Variants in GARIN2 observed in about 807,000 individuals in gnomAD.
GARIN2 encodes Golgi-associated RAB2 interactor protein 2.
At chr14:67,198,197 C>A in the GARIN2 span, 18 of 1,613,648 alleles carry the variant, frequency 1.1e-5, no homozygotes, top group Non-Finnish European at 1.2e-5. Context: ...CCATGAGGAT[C>A]AATAAGCAAG....
chr14:67,203,320 G>A, the GARIN2 span: 91 of 1,528,316 alleles, frequency 6.0e-5, no homozygotes, highest in Non-Finnish European at 7.9e-5. Context: ...AGAGGTTAAA[G>A]ATCTCTCAGA....
the GARIN2 span, chr14:67,199,496 T>C: frequency 1.2e-6 from 2 of 1,613,230 alleles, no homozygotes; most frequent in Non-Finnish European, 1.7e-6. Context: ...AGGTTATGCC[T>C]TTATTAATTT....
the GARIN2 span, among the ~76,000 whole-genome samples, chr14:67,213,095 G>GTTTT: frequency 1.9e-4 from 26 of 135,676 alleles, no homozygotes; most frequent in African/African-American, 6.3e-4. Flanking sequence ...ATTCTGTGGT[G>GTTTT]TTTTTTTTTT....
At chr14:67,225,120 C>T in the GARIN2 span, 28 of 1,559,742 alleles carry the variant, frequency 1.8e-5, no homozygotes, top group Non-Finnish European at 2.1e-5. Context: ...CCCTCTAGTT[C>T]TCTCCCCTCA....
chr14:67,225,974 CGT>C, the GARIN2 span, among the ~76,000 whole-genome samples: 3,618 of 116,436 alleles, frequency 0.031, 58 homozygotes, highest in Non-Finnish European at 0.033. Flanking sequence ...CGCGCGCGCG[CGT>C]GCGCATGCGC....
chr14:67,198,440 A>G, the GARIN2 span: 25 of 931,038 alleles, frequency 2.7e-5, no homozygotes, highest in South Asian at 4.0e-4. Flanking sequence ...TGATACTACA[A>G]AAGAGAACAG....
At chr14:67,199,660 G>T in the GARIN2 span, 2 of 1,578,588 alleles carry the variant, frequency 1.3e-6, no homozygotes, top group Non-Finnish European at 1.7e-6. Flanking sequence ...CTCAGAACCC[G>T]CTCTCCCAGC....
chr14:67,208,100 G>A, the GARIN2 span: 16 of 1,501,908 alleles, frequency 1.1e-5, no homozygotes, highest in Non-Finnish European at 1.4e-5. Context: ...GGTGCTCAGT[G>A]ACGATGAATG....
the GARIN2 span, among the ~76,000 whole-genome samples, chr14:67,206,238 T>C: frequency 2.6e-5 from 4 of 151,932 alleles, no homozygotes; most frequent in Non-Finnish European, 5.9e-5. Context: ...GTGGCTCATG[T>C]CTGTAATCCC....
At chr14:67,213,371 G>A in the GARIN2 span, among the ~76,000 whole-genome samples, 3 of 128,184 alleles carry the variant, frequency 2.3e-5, no homozygotes, top group South Asian at 5.2e-4. Flanking sequence ...GTGTCCATGT[G>A]TTCTCATTGT....
chr14:67,201,335 G>C, the GARIN2 span: 1 of 371,390 alleles, frequency 2.7e-6, no homozygotes, highest in African/African-American at 2.1e-5. Context: ...ATTTAAAAGA[G>C]AGCAATTATC....
At chr14:67,224,980 C>A in the GARIN2 span, 1 of 709,036 alleles carries the variant, frequency 1.4e-6, no homozygotes, top group Non-Finnish European at 2.3e-6. Flanking sequence ...AGAACATAAT[C>A]TGAATTTAAT....
the GARIN2 span, among the ~76,000 whole-genome samples, chr14:67,227,233 A>G: frequency 1.3e-5 from 2 of 151,988 alleles, no homozygotes; most frequent in African/African-American, 2.4e-5. Flanking sequence ...CGAGGTCAGG[A>G]GTTCGAGACC....
chr14:67,224,465 T>C, the GARIN2 span, among the ~76,000 whole-genome samples: 1 of 152,034 alleles, frequency 6.6e-6, no homozygotes, highest in East Asian at 1.9e-4. Flanking sequence ...TTTCATTGTG[T>C]TAGCCAGGAT....
At chr14:67,212,615 GTAATATATATTATATA>G in the GARIN2 span, among the ~76,000 whole-genome samples, 1 of 136,036 alleles carries the variant, frequency 7.4e-6, no homozygotes, top group African/African-American at 2.7e-5. Context: ...ATATATATAT[GTAATATATATTATATA>G]TAATATATAT....
chr14:67,203,725 G>C, the GARIN2 span, among the ~76,000 whole-genome samples: 6 of 152,186 alleles, frequency 3.9e-5, no homozygotes, highest in South Asian at 1.0e-3. Context: ...GACGTGTTTT[G>C]TTTTTGAGAT....
the GARIN2 span, chr14:67,199,900 C>G: frequency 6.8e-7 from 1 of 1,481,442 alleles, no homozygotes; most frequent in Non-Finnish European, 9.0e-7. Flanking sequence ...GGCAGGAACC[C>G]CAGGGGCAGG....
At chr14:67,190,997 G>T in the GARIN2 span, among the ~76,000 whole-genome samples, 1 of 152,336 alleles carries the variant, frequency 6.6e-6, no homozygotes, top group Admixed American at 6.5e-5. Flanking sequence ...ACTTTGGGAG[G>T]CTGAGGCAGG....
At chr14:67,205,025 A>T in the GARIN2 span, 1 of 1,553,334 alleles carries the variant, frequency 6.4e-7, no homozygotes, top group Non-Finnish European at 8.7e-7. Flanking sequence ...GATATTACAA[A>T]CTGCTCGGGA....
Sources: allele counts gnomAD v4.1 joint callset (sites outside exome capture counted in the v4.1 genomes callset), GRCh38; gene constraint gnomAD v4.1.1; transcripts MANE v1.5; gene names NCBI Gene and HGNC (gene_info 2026-07-23, HGNC 2026-07-21).